The following PDE7B variants were observed in gnomAD, a reference collection of about 807,000 sequenced individuals.
PDE7B encodes the protein 3',5'-cyclic-AMP phosphodiesterase 7B.
PDE7B carries 29 observed loss-of-function variants against 56.2 expected under a neutral mutation model. The observed-to-expected ratio is 0.52, with a 90% CI of 0.38 to 0.70. The LOEUF is 0.70. PDE7B is among the 30% of genes least tolerant of loss of function. The pLI is 0.00. For synonymous variants in PDE7B, 197 were observed against 196.9 expected (o/e 1.00, Z 0.00); for missense variants, 490 against 565.0 (o/e 0.87, Z 1.35).
At chr6:135,937,035 G>A (rs2128198103) in intron 1 of PDE7B, among the ~76,000 whole-genome samples, 1 of 152,282 alleles carries the variant, frequency 6.6e-6, no homozygotes, top group South Asian at 2.1e-4. Context: ...TTTCCAACTT[G>A]GCTGATTGAC....
intron 11 of PDE7B, among the ~76,000 whole-genome samples, chr6:136,186,454 G>A (rs1343364245): frequency 1.3e-5 from 2 of 151,958 alleles, no homozygotes; most frequent in African/African-American, 4.8e-5. Context: ...ATACCATTCT[G>A]ACCTTTATAC....
chr6:136,059,995 G>A (rs1776809113), intron 2 of PDE7B, among the ~76,000 whole-genome samples: 1 of 152,096 alleles, frequency 6.6e-6, no homozygotes, highest in Non-Finnish European at 1.5e-5. Context: ...AACCCAGTTT[G>A]GAATTGAGGA....
At chr6:136,109,073 G>C (rs182141817) in intron 3 of PDE7B, among the ~76,000 whole-genome samples, 5 of 152,292 alleles carry the variant, frequency 3.3e-5, no homozygotes, top group Admixed American at 2.0e-4. Context: ...CTCTGGCCAG[G>C]CATGGTGGCT....
chr6:136,006,401 T>G (rs111798744), intron 2 of PDE7B, among the ~76,000 whole-genome samples: 2,021 of 151,852 alleles, frequency 0.013, 53 homozygotes, highest in African/African-American at 0.045. Flanking sequence ...CTGGGCTCTT[T>G]TTTGGTTCCA....
chr6:136,021,288 A>G (rs746554655), intron 2 of PDE7B, among the ~76,000 whole-genome samples: 1 of 152,228 alleles, frequency 6.6e-6, no homozygotes, highest in Non-Finnish European at 1.5e-5. Flanking sequence ...AAATAACACA[A>G]GAGCCGCTGC....
rs1234219816 is a variant in PDE7B at position 135,897,861 on chromosome 6, C to T, written c.21+45842C>T. Among the ~76,000 whole-genome samples the T allele has an allele frequency of 5.3e-5, 8 of 152,172 alleles. No homozygotes were observed. The East Asian group carries it at 1.2e-3, about 22-fold the overall frequency. On this transcript the variant is annotated intron_variant, in intron 1 of 12. Coordinates refer to ENST00000308191, the MANE Select transcript of PDE7B (RefSeq NM_018945.4). ...AAGCCAGTGGCCACCAGCCCTGATT[C>T]GGTAGCTGGATCATGTCAGGGCCAG... is the stretch of plus-strand genomic sequence containing the variant.
intron 1 of PDE7B, among the ~76,000 whole-genome samples, chr6:135,939,033 G>T (rs1288512084): frequency 6.6e-6 from 1 of 152,206 alleles, no homozygotes; most frequent in Non-Finnish European, 1.5e-5. Context: ...CTAATAGAAA[G>T]CATACGCCAT....
At chr6:135,867,269 ATAT>A (rs1193024547) in intron 1 of PDE7B, among the ~76,000 whole-genome samples, 12 of 152,174 alleles carry the variant, frequency 7.9e-5, no homozygotes, top group African/African-American at 2.7e-4. Flanking sequence ...AGTTTTTGTA[ATAT>A]TATGCAGTAT....
chr6:135,908,609 T>C (rs1199300372), intron 1 of PDE7B, among the ~76,000 whole-genome samples: 1 of 152,134 alleles, frequency 6.6e-6, no homozygotes, highest in Non-Finnish European at 1.5e-5. Flanking sequence ...GATAAGTACA[T>C]TGTATTATAT....
intron 2 of PDE7B, among the ~76,000 whole-genome samples, chr6:136,100,584 G>A (rs895899267): frequency 4.6e-5 from 7 of 152,258 alleles, no homozygotes; most frequent in Admixed American, 3.9e-4. Flanking sequence ...TGTTAGTGGT[G>A]TATGGAATGC....
intron 1 of PDE7B, among the ~76,000 whole-genome samples, chr6:135,884,325 C>T (rs1353464301): frequency 6.6e-6 from 1 of 152,118 alleles, no homozygotes; most frequent in East Asian, 1.9e-4. Flanking sequence ...GCTCCAGTGG[C>T]GCAATCAGCT....
At chr6:135,993,775 A>G (rs561416765) in intron 2 of PDE7B, among the ~76,000 whole-genome samples, 1 of 152,350 alleles carries the variant, frequency 6.6e-6, no homozygotes, top group East Asian at 1.9e-4. Context: ...TGACCAAGGT[A>G]GAGGTAGAGA....
intron 1 of PDE7B, among the ~76,000 whole-genome samples, chr6:135,882,136 T>C (rs1205010963): frequency 6.6e-6 from 1 of 152,226 alleles, no homozygotes; most frequent in Non-Finnish European, 1.5e-5. Flanking sequence ...GCCTGATTTA[T>C]CTAAGGGAAT....
intron 2 of PDE7B, among the ~76,000 whole-genome samples, chr6:136,063,244 G>T (rs1776873592): frequency 6.6e-6 from 1 of 152,154 alleles, no homozygotes; most frequent in Non-Finnish European, 1.5e-5. Flanking sequence ...AGAGCATGTG[G>T]AGTTACTTTA....
chr6:136,152,051 G>A (rs894107184), intron 6 of PDE7B, among the ~76,000 whole-genome samples: 7 of 152,186 alleles, frequency 4.6e-5, no homozygotes, highest in African/African-American at 1.2e-4. Flanking sequence ...TTCACACTGA[G>A]TAGGCTGAGG....
intron 2 of PDE7B, among the ~76,000 whole-genome samples, chr6:135,997,040 G>T (rs1041470120): frequency 6.6e-6 from 1 of 151,998 alleles, no homozygotes; most frequent in Non-Finnish European, 1.5e-5. Context: ...ATGGAAGCTG[G>T]AGGCCATCAT....
chr6:136,154,265 C>G, intron 7 of PDE7B, 90 bp downstream of exon 7: 1 of 717,924 alleles, frequency 1.4e-6, no homozygotes, highest in Non-Finnish European at 2.5e-6. Flanking sequence ...ATCTGAGTAA[C>G]TATGTTATGT....
chr6:135,999,214 G>A (rs761688248), intron 2 of PDE7B, among the ~76,000 whole-genome samples: 2 of 152,060 alleles, frequency 1.3e-5, no homozygotes, highest in Non-Finnish European at 2.9e-5. Flanking sequence ...AGATAACATT[G>A]AGAAAAATCA....
At chr6:136,091,818 T>A (rs374095099) in intron 2 of PDE7B, among the ~76,000 whole-genome samples, 4 of 151,168 alleles carry the variant, frequency 2.6e-5, no homozygotes, top group Non-Finnish European at 4.4e-5. Context: ...AATCAAATAT[T>A]TTTTTTTTAA....
Sources: gnomAD v4.1 joint callset for allele counts (sites outside exome capture counted in the v4.1 genomes callset) on GRCh38, gnomAD v4.1.1 for gene constraint, MANE v1.5 for transcripts, NCBI Gene and HGNC (gene_info 2026-07-23, HGNC 2026-07-21) for gene names.